Variants in R3HCC1L observed in about 807,000 individuals in gnomAD.
The protein encoded by R3HCC1L is coiled-coil domain-containing protein R3HCC1L.
Under a neutral mutation model 59.9 loss-of-function variants are expected in R3HCC1L, and 51 were observed. The ratio of observed to expected loss-of-function variants is 0.85; its 90% CI spans 0.68 to 1.07. The LOEUF (loss-of-function observed/expected upper bound fraction) is 1.07, where lower values mean the gene tolerates loss of function less well. Ranked by LOEUF, R3HCC1L falls within the 50% of genes least tolerant of loss-of-function variation. The pLI, the probability that R3HCC1L is intolerant of heterozygous loss-of-function variation, is 0.00. For synonymous variants in R3HCC1L, 322 were observed against 315.2 expected, an observed-to-expected ratio of 1.02 and a Z score of -0.23; for missense variants, 965 against 933.0, an observed-to-expected ratio of 1.03 and a Z score of -0.45.
intron 4 of R3HCC1L, among the ~76,000 whole-genome samples, chr10:98,194,474 A>G (rs1247006827): frequency 6.6e-6 from 1 of 152,168 alleles, no homozygotes; most frequent in African/African-American, 2.4e-5. Context: ...CTAAAAATGT[A>G]AAAAACATAC....
At chr10:98,179,713 G>T (rs1218905736) in intron 4 of R3HCC1L, among the ~76,000 whole-genome samples, 3 of 152,042 alleles carry the variant, frequency 2.0e-5, no homozygotes, top group Non-Finnish European at 2.9e-5. Context: ...TTAGTTGGTA[G>T]GCTATTAATT....
intron 5 of R3HCC1L, among the ~76,000 whole-genome samples, chr10:98,211,904 C>A (rs993699673): frequency 6.6e-5 from 10 of 151,994 alleles, no homozygotes; most frequent in African/African-American, 2.4e-4. Flanking sequence ...GGCAACAACT[C>A]AGTATTTCGA....
Position 98,208,535 on chromosome 10 carries a change from A to C in R3HCC1L, c.421A>C (p.Lys141Gln), listed in dbSNP as rs1220885511. 2.5e-6 allele frequency: 4 copies of C among 1,614,046 alleles called. No homozygotes were observed. Among genetic ancestry groups the C allele is most frequent in the Non-Finnish European group, 3.4e-6 (4 of 1,180,032 alleles). ...TAATGCACCTTTGCAGAGACATTTT[A>C]AACCAAAGAAGGTGGAGTGTTTGGA... is the stretch of plus-strand genomic sequence containing the variant. ...ITNAPLQRHF[K>Q]PKKVECLEVE... Residue 141 changes from lysine (K) to glutamine (Q), a missense_variant, in exon 5 of 10, where the codon AAA (lysine) becomes CAA (glutamine). Coordinates refer to ENST00000298999, the MANE Select transcript of R3HCC1L (RefSeq NM_001351015.2).
rs796162953 is a variant in R3HCC1L at position 98,183,956 on chromosome 10, CG to C, written c.-15+20561del. Among the ~76,000 whole-genome samples, 60 of 88,302 alleles carry C rather than the reference CG, an allele frequency of 6.8e-4. 1 individual carries two copies. Among genetic ancestry groups the C allele is most frequent in the African/African-American group, 2.4e-3 (60 of 24,846 alleles). 57.9% of individuals were successfully genotyped at this position (88,302 alleles called of 152,430 possible). ...TGTTTTTTTTTCTTTGCTCCTTTTT[CG>C]GTTTTTTTTTTTTTTTGGTTGAAAT... On this transcript the variant is annotated intron_variant, in intron 4 of 9. Transcript: ENST00000298999.
rs539988050 is a variant in R3HCC1L at position 98,229,166 on chromosome 10, T to G, written c.1786-2346T>G. The stretch of plus-strand genomic sequence containing the variant: ...TGGGGATGGCATTGAATCTATAAAT[T>G]ACCTTGGGCAGTATGGCCATTTTCA... On this transcript the variant is annotated intron_variant, in intron 5 of 9. Coordinates refer to ENST00000298999, the MANE Select transcript of R3HCC1L (RefSeq NM_001351015.2). Among the ~76,000 whole-genome samples the G allele has an allele frequency of 1.6e-4, 25 of 152,284 alleles. 1 individual carries two copies. The South Asian group carries it at 4.6e-3, about 28-fold the overall frequency.
At chr10:98,148,230 A>G (rs1845841176) in intron 1 of R3HCC1L, among the ~76,000 whole-genome samples, 1 of 152,040 alleles carries the variant, frequency 6.6e-6, no homozygotes, top group Non-Finnish European at 1.5e-5. Context: ...TGATTTTTGT[A>G]TGTTGATTTT....
rs567087604 is a variant in R3HCC1L at position 98,208,779 on chromosome 10, G to C, written c.665G>C (p.Arg222Thr). Reference protein sequence around the residue: ...KVLEILYEFPRVFSSVMKPEN... With the variant: ...KVLEILYEFPTVFSSVMKPEN... Reference sequence around the variant, plus strand: ...TTGGAGATACTATATGAGTTTCCTAGAGTTTTTAGTTCTGTCATGAAACCT... The same window carrying C: ...TTGGAGATACTATATGAGTTTCCTACAGTTTTTAGTTCTGTCATGAAACCT... The change falls in exon 5 of 10, where the codon AGA becomes ACA. Residue 222 changes from arginine to threonine, a missense_variant. By Grantham distance (71) the Arg-to-Thr change is moderately conservative. Transcript: ENST00000298999. 1 of 1,614,024 alleles carries C rather than the reference G, an allele frequency of 6.2e-7. No homozygotes were observed. Among genetic ancestry groups the C allele is most frequent in the South Asian group, 1.1e-5 (1 of 91,082 alleles).
intron 4 of R3HCC1L, among the ~76,000 whole-genome samples, chr10:98,197,760 A>G (rs1397043493): frequency 6.6e-6 from 1 of 152,214 alleles, no homozygotes; most frequent in African/African-American, 2.4e-5. Flanking sequence ...ACTATAAAGC[A>G]GTATGATAAT....
intron 4 of R3HCC1L, among the ~76,000 whole-genome samples, chr10:98,205,143 TAATA>T (rs1454122476): frequency 1.3e-5 from 2 of 152,230 alleles, no homozygotes; most frequent in Non-Finnish European, 2.9e-5. Flanking sequence ...TTTTAAAAGC[TAATA>T]AATACTTCAA....
chr10:98,203,948 C>G (rs1852329613), intron 4 of R3HCC1L, among the ~76,000 whole-genome samples: 1 of 152,066 alleles, frequency 6.6e-6, no homozygotes, highest in African/African-American at 2.4e-5. Context: ...AATTTTTATC[C>G]CCTTTAGAAA....
At chr10:98,181,968 G>T (rs1343640486) in intron 4 of R3HCC1L, among the ~76,000 whole-genome samples, 1 of 152,026 alleles carries the variant, frequency 6.6e-6, no homozygotes, top group Non-Finnish European at 1.5e-5. Context: ...TCCTCCTTTA[G>T]CTCGGAGAAG....
At chr10:98,228,996 A>G (rs992457339) in intron 5 of R3HCC1L, among the ~76,000 whole-genome samples, 13 of 152,150 alleles carry the variant, frequency 8.5e-5, no homozygotes, top group East Asian at 1.9e-4. Flanking sequence ...GCCTTGTAGT[A>G]TAGTTTGAAG....
intron 4 of R3HCC1L, among the ~76,000 whole-genome samples, chr10:98,201,513 T>C (rs1852043901): frequency 6.6e-6 from 1 of 152,216 alleles, no homozygotes; most frequent in South Asian, 2.1e-4. Context: ...GTCTAAGTAT[T>C]TTCCACAAAA....
chr10:98,136,745 G>T (rs1423972297), intron 1 of R3HCC1L, among the ~76,000 whole-genome samples: 1 of 152,036 alleles, frequency 6.6e-6, no homozygotes, highest in African/African-American at 2.4e-5. Context: ...GCTGAGGCGC[G>T]AGAATCGCTT....
chr10:98,192,293 T>TA (rs1269780357), intron 4 of R3HCC1L, among the ~76,000 whole-genome samples: 1 of 151,814 alleles, frequency 6.6e-6, no homozygotes, highest in East Asian at 1.9e-4. Flanking sequence ...TTGGAAATAA[T>TA]ATAGAGCAGA....
intron 4 of R3HCC1L, among the ~76,000 whole-genome samples, chr10:98,177,595 G>A (rs953546376): frequency 5.3e-5 from 8 of 152,192 alleles, no homozygotes; most frequent in African/African-American, 1.9e-4. Context: ...AGATCCTTGA[G>A]GAGTCGCCAC....
At chr10:98,221,417 C>T (rs1854935288) in intron 5 of R3HCC1L, among the ~76,000 whole-genome samples, 1 of 149,052 alleles carries the variant, frequency 6.7e-6, no homozygotes, top group African/African-American at 2.5e-5. Flanking sequence ...GCTTTTGTTG[C>T]CATTGCTTTT....
intron 4 of R3HCC1L, among the ~76,000 whole-genome samples, chr10:98,205,114 G>A (rs1007223495): frequency 2.6e-5 from 4 of 152,188 alleles, no homozygotes; most frequent in Middle Eastern, 6.8e-3. Context: ...AAGAACATAG[G>A]CTTACTATTA....
intron 4 of R3HCC1L, among the ~76,000 whole-genome samples, chr10:98,166,775 C>T (rs1450444007): frequency 1.3e-5 from 2 of 152,208 alleles, no homozygotes; most frequent in African/African-American, 4.8e-5. Flanking sequence ...AAGCGATTCT[C>T]CTGCCTCAGC....
Sources: gnomAD v4.1 joint callset for allele counts (sites outside exome capture counted in the v4.1 genomes callset) on GRCh38, gnomAD v4.1.1 for gene constraint, MANE v1.5 for transcripts, NCBI Gene and HGNC (gene_info 2026-07-23, HGNC 2026-07-21) for gene names.